Variants in SCYGR3 observed in about 807,000 individuals in gnomAD.
The protein encoded by SCYGR3 is small cysteine and glycine repeat-containing protein 3.
Position 227,614,833 on chromosome 2 carries a change from C to A in SCYGR3, c.8G>T (p.Cys3Phe), listed in dbSNP as rs911428479. ...GCCACCACAACTTCCACAACCACAG[C>A]AGCCCATGGTGTCAGTAGAGAGGAT... Residue 3 changes from cysteine (C) to phenylalanine (F), a missense_variant, in exon 1 of 1, where the codon TGC becomes TTC. Cys to Phe is a radical substitution (Grantham distance 205). Transcript: ENST00000642029. 3 of 405,064 alleles carry A rather than the reference C, an allele frequency of 7.4e-6. No homozygotes were observed. In the East Asian group the frequency reaches 1.1e-4, roughly 14 times the overall value. 25.1% of individuals were successfully genotyped at this position (405,064 alleles called of 1,614,324 possible).
chr2:227,614,752 C>G, exon 1 of SCYGR3: 1 of 401,068 alleles, frequency 2.5e-6, no homozygotes, highest in Non-Finnish European at 4.4e-6. Context: ...ACCACCACAG[C>G]CACCACCGCA....
At chr2:227,614,713 C>T (rs1189284871) in exon 1 of SCYGR3, 10 of 399,584 alleles carry the variant, frequency 2.5e-5, no homozygotes, top group South Asian at 1.2e-4. Context: ...CACCCGGTAG[C>T]ACCTGCAGGT....
At chr2:227,614,614 C>T (rs1575140869) in exon 1 of SCYGR3, 1 of 398,724 alleles carries the variant, frequency 2.5e-6, no homozygotes. Flanking sequence ...ACATGAGCGG[C>T]AGGTGCGGCG....
chr2:227,614,611 C>T (rs576545978), exon 1 of SCYGR3: 402 of 398,702 alleles, frequency 1.0e-3, no homozygotes, highest in Non-Finnish European at 1.5e-3. Flanking sequence ...GCCACATGAG[C>T]GGCAGGTGCG....
chr2:227,614,678 A>T (rs1036192716), exon 1 of SCYGR3: 1 of 398,838 alleles, frequency 2.5e-6, no homozygotes, highest in Non-Finnish European at 4.4e-6. Context: ...CCGCGGCAGC[A>T]GGGGCAGCAG....
chr2:227,614,717 T>C, exon 1 of SCYGR3: 1 of 399,624 alleles, frequency 2.5e-6, no homozygotes. Context: ...CGGTAGCACC[T>C]GCAGGTGGTG....
At chr2:227,614,764 C>T in exon 1 of SCYGR3, 1 of 405,310 alleles carries the variant, frequency 2.5e-6, no homozygotes, top group Non-Finnish European at 4.3e-6. Context: ...ACCACCGCAG[C>T]CACCACCGCA....
At chr2:227,614,649 G>C in exon 1 of SCYGR3, 1 of 398,916 alleles carries the variant, frequency 2.5e-6, no homozygotes, top group Non-Finnish European at 4.4e-6. Context: ...CAGGTGTGCT[G>C]CAACAGCCTC....
At chr2:227,614,621 G>A (rs778632945) in exon 1 of SCYGR3, 4 of 398,590 alleles carry the variant, frequency 1.0e-5, no homozygotes, top group Non-Finnish European at 1.3e-5. Flanking sequence ...CGGCAGGTGC[G>A]GCGGCAGCAG....
chr2:227,614,808 G>C (rs1290740922), exon 1 of SCYGR3: 6 of 407,174 alleles, frequency 1.5e-5, no homozygotes, highest in Non-Finnish European at 2.1e-5. Context: ...CACCACCACA[G>C]CCACCACAAC....
At chr2:227,614,624 G>A (rs1395818486) in exon 1 of SCYGR3, 7 of 398,594 alleles carry the variant, frequency 1.8e-5, no homozygotes, top group Middle Eastern at 6.2e-4. Flanking sequence ...CAGGTGCGGC[G>A]GCAGCAGCAG....
rs369081494 is a variant in SCYGR3 at position 227,614,657 on chromosome 2, C to T, written c.184G>A (p.Gly62Ser). 9.2e-4 allele frequency: 365 copies of T among 398,864 alleles called. 1 individual carries two copies. Among genetic ancestry groups the T allele is most frequent in the Middle Eastern group, 2.5e-3 (4 of 1,586 alleles). The allele number at this position is 398,864 out of a possible 1,614,324, so 24.7% of individuals were successfully genotyped here. Residue 62 changes from glycine to serine, a missense_variant, in exon 1 of 1, where the codon GGC (glycine) becomes AGC (serine). Coordinates refer to ENST00000642029, the Ensembl canonical transcript of SCYGR3. The stretch of plus-strand genomic sequence containing the variant: ...CAGATCACAGGTGTGCTGCAACAGC[C>T]TCCACAGCAGCCGCGGCAGCAGGGG...
chr2:227,614,801 C>T (rs1693902897), exon 1 of SCYGR3: 2 of 406,964 alleles, frequency 4.9e-6, no homozygotes, highest in Non-Finnish European at 8.6e-6. Flanking sequence ...CCACAGCCAC[C>T]ACCACAGCCA....
chr2:227,614,753 C>T (rs1292148823), exon 1 of SCYGR3: 1 of 401,256 alleles, frequency 2.5e-6, no homozygotes, highest in South Asian at 1.2e-4. Flanking sequence ...CCACCACAGC[C>T]ACCACCGCAG....
exon 1 of SCYGR3, chr2:227,614,783 C>T (rs528190784): frequency 1.3e-4 from 52 of 395,914 alleles, no homozygotes; most frequent in Admixed American, 1.8e-4. Flanking sequence ...CAGCCACCAC[C>T]GCAGCCACCA....
chr2:227,614,786 AGCC>A (rs989545943), exon 1 of SCYGR3: 1 of 401,510 alleles, frequency 2.5e-6, no homozygotes, highest in Non-Finnish European at 4.3e-6. Context: ...CCACCACCGC[AGCC>A]ACCACAGCCA....
exon 1 of SCYGR3, chr2:227,614,759 C>T (rs1034139140): frequency 3.7e-5 from 15 of 402,702 alleles, no homozygotes; most frequent in East Asian, 1.1e-4. Flanking sequence ...CAGCCACCAC[C>T]GCAGCCACCA....
chr2:227,614,828 C>A, exon 1 of SCYGR3: 1 of 405,074 alleles, frequency 2.5e-6, no homozygotes, highest in African/African-American at 2.0e-5. Flanking sequence ...CTTCCACAAC[C>A]ACAGCAGCCC....
At chr2:227,614,656 C>A (rs921943026) in exon 1 of SCYGR3, 5 of 398,712 alleles carry the variant, frequency 1.3e-5, no homozygotes, top group Non-Finnish European at 2.2e-5. Context: ...GCTGCAACAG[C>A]CTCCACAGCA....
Sources: allele counts gnomAD v4.1 joint callset, GRCh38; gene constraint gnomAD v4.1.1; transcripts MANE v1.5; gene names NCBI Gene and HGNC (gene_info 2026-07-23, HGNC 2026-07-21).